NEK6: variants seen among roughly 807,000 people sequenced by gnomAD.
NEK6 encodes serine/threonine-protein kinase Nek6.
A neutral mutation model predicts 43.5 loss-of-function variants in NEK6; 27 were observed. The ratio of observed to expected loss-of-function variants is 0.62; its 90% confidence interval spans 0.46 to 0.86. NEK6 has a LOEUF of 0.86. Among genes scored for constraint, NEK6 ranks in the 40% least tolerant of loss-of-function variants. The probability of loss-of-function intolerance (pLI) is 0.00; values close to 1 mark genes in which losing one functional copy is unlikely to be tolerated. For missense variants in NEK6, 318 were observed against 414.4 expected (o/e 0.77, Z 2.02); for synonymous variants, 167 against 164.1 (o/e 1.02, Z -0.14).
chr9:124,287,245 G>T (rs950945626), intron 1 of NEK6, among the ~76,000 whole-genome samples: 1 of 152,206 alleles, frequency 6.6e-6, no homozygotes, highest in Non-Finnish European at 1.5e-5. Flanking sequence ...CCTGTCCTTT[G>T]TGTAGGCTCA....
chr9:124,285,096 G>C (rs1421388450), intron 1 of NEK6, among the ~76,000 whole-genome samples: 1 of 152,196 alleles, frequency 6.6e-6, no homozygotes, highest in East Asian at 1.9e-4. Flanking sequence ...GTTGTTTGAA[G>C]AATTTCGTTT....
chr9:124,273,533 C>T lies in NEK6; in HGVS notation c.-30+15448C>T, dbSNP rs538006845. ...GGCCCGTATCCACCCTTCCTGGGAC[C>T]GACAGCCAGGGTGATGGGGTTTTAT... On this transcript the variant is annotated intron_variant, in intron 1 of 9. Coordinates refer to ENST00000320246, the MANE Select transcript of NEK6 (RefSeq NM_014397.6). Among the ~76,000 whole-genome samples, 11 of 152,258 alleles carry T rather than the reference C, an allele frequency of 7.2e-5. No homozygotes were observed. The South Asian group carries it at 1.0e-3, about 14-fold the overall frequency.
chr9:124,317,565 C>T (rs924728434), intron 4 of NEK6, among the ~76,000 whole-genome samples: 1 of 152,160 alleles, frequency 6.6e-6, no homozygotes, highest in Non-Finnish European at 1.5e-5. Flanking sequence ...GGTACACATG[C>T]AGGTTTGTTA....
Position 124,353,261 on chromosome 9 carries a change from C to T in NEK6, c.*2314C>T, listed in dbSNP as rs1476151061. The T allele has an allele frequency of 1.4e-5, 4 of 279,350 alleles. No homozygotes were observed. Among genetic ancestry groups the T allele is most frequent in the East Asian group, 1.7e-4 (2 of 11,874 alleles). 17.3% of individuals were successfully genotyped at this position (279,350 alleles called of 1,614,324 possible). ...TTCAGCCAGCAAAAAGGGTAGGTATCGATGGTCACCTGAAGCCTCAAGGGA... is the reference window on the plus strand; with the variant it reads ...TTCAGCCAGCAAAAAGGGTAGGTATTGATGGTCACCTGAAGCCTCAAGGGA... On this transcript the variant is annotated 3_prime_UTR_variant, in exon 10 of 10. Coordinates refer to ENST00000320246, the MANE Select transcript of NEK6 (RefSeq NM_014397.6).
rs1209397203 is a variant in NEK6, at chr9:124,326,096, G to A, written c.406-234G>A. ...GCCAGGCCTGCCTGGCCCTCACGGA[G>A]CTTGCTGGGTTGGGACAGGGTGGCT... is the stretch of plus-strand genomic sequence containing the variant. On this transcript the variant is annotated intron_variant, in intron 5 of 9. Transcript: ENST00000320246. This position sits in a 1 kb window ranked among gnomAD's most constrained non-coding sequence, Gnocchi z 4.5. Among the ~76,000 whole-genome samples the A allele has an allele frequency of 6.6e-6, 1 of 152,232 alleles. No homozygotes were observed. Among genetic ancestry groups the A allele is most frequent in the African/African-American group, 2.4e-5 (1 of 41,458 alleles).
intron 8 of NEK6, among the ~76,000 whole-genome samples, chr9:124,346,584 CG>C (rs917407516): frequency 3.3e-5 from 5 of 152,120 alleles, no homozygotes; most frequent in Admixed American, 6.5e-5. Context: ...CATTGGGCCT[CG>C]GGGGGCGGTC....
intron 1 of NEK6, chr9:124,292,041 A>G: frequency 1.0e-6 from 1 of 1,003,180 alleles, no homozygotes; most frequent in Non-Finnish European, 1.2e-6. Context: ...CCCTCAACCC[A>G]GAGTGGAGCA....
chr9:124,270,006 C>T (rs999101455), intron 1 of NEK6, among the ~76,000 whole-genome samples: 6 of 152,080 alleles, frequency 3.9e-5, no homozygotes, highest in African/African-American at 1.5e-4. Context: ...TAGAGCCAAC[C>T]GCAGCATCCC....
chr9:124,306,922 G>A (rs972486324), intron 2 of NEK6, among the ~76,000 whole-genome samples: 2 of 152,186 alleles, frequency 1.3e-5, no homozygotes, highest in African/African-American at 4.8e-5. Flanking sequence ...TCCTGATGAA[G>A]TGTGCTTTTT....
chr9:124,268,893 ATGT>A (rs1037970004), intron 1 of NEK6, among the ~76,000 whole-genome samples: 1 of 152,184 alleles, frequency 6.6e-6, no homozygotes, highest in Non-Finnish European at 1.5e-5. Context: ...ATCTGATGAC[ATGT>A]TGTTTAAATA....
At chr9:124,293,820 A>G (rs576820560) in intron 1 of NEK6, among the ~76,000 whole-genome samples, 23 of 152,354 alleles carry the variant, frequency 1.5e-4, no homozygotes, top group African/African-American at 4.8e-4. Flanking sequence ...CTGCCCTTAA[A>G]GGCTGGCAGA....
In NEK6 at chr9:124,313,925, C is replaced by A; in HGVS notation, c.234C>A (p.Ile78=). Residue 78 remains isoleucine, a splice_region_variant and synonymous_variant, in exon 4 of 10, where the codon ATC becomes ATA. Transcript: ENST00000320246. Reference sequence around the variant, plus strand: ...TTCTCTTTTTCCTCCCGCCCAAGATCTTTGAGATGATGGACGCCAAGGCGA... The same window carrying A: ...TTCTCTTTTTCCTCCCGCCCAAGATATTTGAGATGATGGACGCCAAGGCGA... ...RKTVALKKVQ[I]FEMMDAKARQ... is the part of the protein sequence containing the mutation. 1 of 1,614,126 alleles carries A rather than the reference C, an allele frequency of 6.2e-7. No homozygotes were observed. The highest frequency in any genetic ancestry group is 1.1e-5 in the South Asian group (1 of 91,090).
chr9:124,302,060 C>T lies in NEK6; in HGVS notation c.90+6C>T, dbSNP rs891859665. ...TGCATCCTCCTGACCCACAGGTAAG[C>T]CCCTTACCTTTGTCTGCAGCACACT... On this transcript the variant is annotated splice_donor_region_variant and intron_variant, in intron 2 of 9. Transcript: ENST00000320246. The T allele has an allele frequency of 1.9e-5, 30 of 1,578,866 alleles. 1 individual carries two copies. In the East Asian group the frequency reaches 6.6e-4, roughly 35 times the overall value.
intron 1 of NEK6, among the ~76,000 whole-genome samples, chr9:124,286,208 C>A (rs951936226): frequency 3.3e-5 from 5 of 152,196 alleles, no homozygotes; most frequent in African/African-American, 7.2e-5. Flanking sequence ...GGCCTTGTTG[C>A]AATTCTATTC....
At chr9:124,325,195 T>G (rs1159913804) in intron 5 of NEK6, among the ~76,000 whole-genome samples, 4 of 151,046 alleles carry the variant, frequency 2.6e-5, no homozygotes, top group Non-Finnish European at 5.9e-5. Context: ...AGAAGTGGGC[T>G]AAGGACTTGG....
intron 2 of NEK6, among the ~76,000 whole-genome samples, chr9:124,308,656 CAA>C (rs1374130698): frequency 2.6e-4 from 21 of 82,232 alleles, no homozygotes; most frequent in Admixed American, 2.7e-4. Flanking sequence ...AACTCTATCT[CAA>C]AAAAAAAAAA....
At chr9:124,333,034 G>A (rs927762728) in intron 7 of NEK6, among the ~76,000 whole-genome samples, 1 of 152,172 alleles carries the variant, frequency 6.6e-6, no homozygotes, top group African/African-American at 2.4e-5. Context: ...ACTGCACACA[G>A]AGGTCGTCCT....
rs749265875 is a variant in NEK6, at chr9:124,326,299, C to T, written c.406-31C>T. ...CCACCTCCAAGCCCGCTCACCCGGG[C>T]CTATCCCTCTGCTTGTCTCCCCCAC... On this transcript the variant is annotated intron_variant, in intron 5 of 9. Transcript: ENST00000320246. This position sits in a 1 kb window ranked among gnomAD's most constrained non-coding sequence, Gnocchi z 4.5. The T allele has an allele frequency of 1.4e-5, 21 of 1,554,122 alleles. No individual in the cohort carries two copies. The highest frequency in any genetic ancestry group is 5.5e-5 in the South Asian group (5 of 90,102).
intron 1 of NEK6, among the ~76,000 whole-genome samples, chr9:124,294,424 G>A (rs980876010): frequency 2.0e-5 from 3 of 151,946 alleles, no homozygotes; most frequent in South Asian, 2.1e-4. Flanking sequence ...CCCAGGAGGC[G>A]GAGGTTGCAG....
Sources: allele counts gnomAD v4.1 joint callset (sites outside exome capture counted in the v4.1 genomes callset), GRCh38; gene constraint gnomAD v4.1.1; non-coding constraint Gnocchi (gnomAD v3.1); transcripts MANE v1.5; gene names NCBI Gene and HGNC (gene_info 2026-07-23, HGNC 2026-07-21).